The following SSH1 variants were observed in gnomAD, a reference collection of about 807,000 sequenced individuals.
SSH1 encodes the protein protein phosphatase Slingshot homolog 1.
A neutral mutation model predicts 79.7 loss-of-function variants in SSH1; 43 were observed. The ratio of observed to expected loss-of-function variants is 0.54; its 90% CI spans 0.42 to 0.70. SSH1 has a LOEUF of 0.70. Ranked by LOEUF, SSH1 falls within the 30% of genes least tolerant of loss-of-function variation. SSH1 has a pLI of 0.00. For synonymous variants in SSH1, 599 were observed against 538.3 expected, an observed-to-expected ratio of 1.11 and a Z score of -1.56; for missense variants, 1,206 against 1,358.8, an observed-to-expected ratio of 0.89 and a Z score of 1.77.
chr12:108,811,661 A>C, intron 5 of SSH1: 1 of 405,338 alleles, frequency 2.5e-6, no homozygotes. Flanking sequence ...ACCGGCAGCC[A>C]AGCCCGGCCT....
In SSH1 at chr12:108,784,600, A is replaced by C. The variant is rs1489456589; in HGVS notation, c.*3388T>G. The C allele has an allele frequency of 6.6e-6, 1 of 152,236 alleles. No individual in the cohort carries two copies. The highest frequency in any genetic ancestry group is 1.5e-5 in the Non-Finnish European group (1 of 68,056). The allele number at this position is 152,236 out of a possible 1,614,324, so 9.4% of individuals were successfully genotyped here. A position where few individuals can be genotyped will look rare whatever the true frequency, so the allele number is the denominator to read the frequency against. On this transcript the variant is annotated 3_prime_UTR_variant, in exon 15 of 15. Transcript: ENST00000326495. ...TGCTAGAAGGCTCGGAAGTAGCCGTAAGACAAAGAAATGGAAATCGGCATT... is the reference window on the plus strand; with the variant it reads ...TGCTAGAAGGCTCGGAAGTAGCCGTCAGACAAAGAAATGGAAATCGGCATT...
At chr12:108,832,602 A>G (rs987654685) in intron 2 of SSH1, among the ~76,000 whole-genome samples, 23 of 152,206 alleles carry the variant, frequency 1.5e-4, no homozygotes, top group African/African-American at 5.5e-4. Context: ...GGAGATCGAA[A>G]ATTCACCATT....
chr12:108,805,289 G>T, intron 9 of SSH1, 105 bp from the exon 10 acceptor site: 1 of 1,345,646 alleles, frequency 7.4e-7, no homozygotes, highest in Non-Finnish European at 1.0e-6. Context: ...TCCAAAAAAG[G>T]TGGGTGTTTT....
intron 2 of SSH1, chr12:108,827,641 T>G: frequency 1.9e-6 from 2 of 1,067,930 alleles, no homozygotes; most frequent in South Asian, 4.8e-5. Flanking sequence ...CGGGCTTTTC[T>G]GTAGGCCGGA....
intron 2 of SSH1, among the ~76,000 whole-genome samples, chr12:108,846,274 G>T (rs984398984): frequency 6.6e-6 from 1 of 151,932 alleles, no homozygotes; most frequent in African/African-American, 2.4e-5. Flanking sequence ...CCACGTTCCC[G>T]CAATTGACTT....
chr12:108,790,814 G>A (rs1333758957), intron 14 of SSH1, among the ~76,000 whole-genome samples: 1 of 152,212 alleles, frequency 6.6e-6, no homozygotes, highest in Non-Finnish European at 1.5e-5. Context: ...GCTGTCCTGT[G>A]AGATGGGCAG....
At chr12:108,839,806 A>C (rs1276746590) in intron 2 of SSH1, among the ~76,000 whole-genome samples, 1 of 152,172 alleles carries the variant, frequency 6.6e-6, no homozygotes, top group African/African-American at 2.4e-5. Flanking sequence ...TTTTCCTCTT[A>C]GGTGTCACTT....
intron 3 of SSH1, among the ~76,000 whole-genome samples, chr12:108,819,913 C>A (rs1444433400): frequency 1.3e-5 from 2 of 152,196 alleles, no homozygotes; most frequent in Admixed American, 1.3e-4. Context: ...TTTGCAAAAG[C>A]ATCTTTTTCA....
rs1224419287 is a variant in SSH1 at position 108,811,981 on chromosome 12, A to T, written c.402-653T>A. On this transcript the variant is annotated intron_variant, in intron 5 of 14. Coordinates refer to ENST00000326495, the MANE Select transcript of SSH1 (RefSeq NM_018984.4). The stretch of plus-strand genomic sequence containing the variant: ...AGAGCCAGCTCTGTGGACCTCAGGA[A>T]TCTCATGCTTCCATCTCTGCTGCTG... 3.3e-5 allele frequency among the ~76,000 whole-genome samples: 5 copies of T among 152,160 alleles called. No individual in the cohort carries two copies. The East Asian group carries it at 9.6e-4, about 29-fold the overall frequency.
intron 14 of SSH1, among the ~76,000 whole-genome samples, chr12:108,790,245 G>A (rs183926109): frequency 7.0e-4 from 107 of 152,058 alleles, no homozygotes; most frequent in African/African-American, 2.5e-3. Context: ...CTGCCTCCCA[G>A]GTTCAAGCAA....
intron 3 of SSH1, among the ~76,000 whole-genome samples, chr12:108,820,060 T>C (rs11838115): frequency 0.2 from 30,458 of 151,846 alleles, 4,232 homozygotes; most frequent in African/African-American, 0.34. Flanking sequence ...TTTTTTTCAA[T>C]AGAGACAGGG....
At chr12:108,793,517 C>A (rs938046423) in intron 13 of SSH1, among the ~76,000 whole-genome samples, 1 of 151,866 alleles carries the variant, frequency 6.6e-6, no homozygotes, top group Non-Finnish European at 1.5e-5. Flanking sequence ...ACTTCACCCT[C>A]CCAAGTGGGG....
chr12:108,834,614 G>C (rs1040791316), intron 2 of SSH1, among the ~76,000 whole-genome samples: 1 of 152,158 alleles, frequency 6.6e-6, no homozygotes, highest in Non-Finnish European at 1.5e-5. Flanking sequence ...GCAAAGGCGG[G>C]GGTCCTGAAA....
At chr12:108,840,024 C>A (rs1450950347) in intron 2 of SSH1, among the ~76,000 whole-genome samples, 3 of 152,218 alleles carry the variant, frequency 2.0e-5, no homozygotes, top group Non-Finnish European at 4.4e-5. Context: ...ATGCCCCATC[C>A]AGAAGCCCCG....
chr12:108,845,669 G>A (rs528118947), intron 2 of SSH1, among the ~76,000 whole-genome samples: 5 of 152,246 alleles, frequency 3.3e-5, no homozygotes, highest in East Asian at 1.9e-4. Flanking sequence ...CCTGAGCAAC[G>A]TGAGCGAAAC....
At position 108,809,778 on chromosome 12, in the gene SSH1, A is replaced by G; in HGVS notation, c.471-20T>C. ...AACCCACTGAGAATAAAACACAGAG[A>G]GAAAGGTATCTGTGGTGAGAAATCA... On this transcript the variant is annotated intron_variant, in intron 6 of 14. Transcript: ENST00000326495. 1 of 1,610,600 alleles carries G rather than the reference A, an allele frequency of 6.2e-7. No homozygotes were observed. The highest frequency in any genetic ancestry group is 8.5e-7 in the Non-Finnish European group (1 of 1,176,848).
In SSH1 at chr12:108,818,236, C is replaced by T. The variant is rs1246530852; in HGVS notation, c.279+13G>A. The T allele has an allele frequency of 3.8e-6, 6 of 1,585,708 alleles. No individual in the cohort carries two copies. The Admixed American group carries it at 8.4e-5, about 22-fold the overall frequency. ...AAAAAATTTTTTAACTTGACATTCT[C>T]ACTGCTTCTTACCAGCTTGATTCTG... On this transcript the variant is annotated intron_variant, in intron 4 of 14. Transcript: ENST00000326495.
intron 1 of SSH1, among the ~76,000 whole-genome samples, chr12:108,856,480 G>C (rs1295543094): frequency 6.6e-6 from 1 of 152,214 alleles, no homozygotes; most frequent in Admixed American, 6.5e-5. Context: ...CACCCAGAAT[G>C]GGTCACAGCC....
At chr12:108,854,705 A>C (rs1416645344) in intron 1 of SSH1, among the ~76,000 whole-genome samples, 4 of 152,210 alleles carry the variant, frequency 2.6e-5, no homozygotes, top group Non-Finnish European at 5.9e-5. Context: ...AGGTTCTCAG[A>C]TGAAAGGCCA....
Sources: gnomAD v4.1 joint callset for allele counts (sites outside exome capture counted in the v4.1 genomes callset) on GRCh38, gnomAD v4.1.1 for gene constraint, MANE v1.5 for transcripts, NCBI Gene and HGNC (gene_info 2026-07-23, HGNC 2026-07-21) for gene names.